Variants in CFTR observed in about 807,000 individuals in gnomAD.
CFTR encodes the protein cystic fibrosis transmembrane conductance regulator.
CFTR carries 181 observed loss-of-function variants against 171.6 expected under a neutral mutation model. That is an observed-to-expected ratio of 1.05 (90% CI 0.93 to 1.19). The LOEUF (loss-of-function observed/expected upper bound fraction) is 1.19. CFTR is among the 50% of genes most tolerant of loss of function. CFTR has a pLI of 0.00. For missense variants in CFTR, 1,968 were observed against 1,734.7 expected (o/e 1.13, Z -2.39); for synonymous variants, 583 against 608.0 (o/e 0.96, Z 0.60).
chr7:117,612,736 T>G (rs1004932214), intron 20 of CFTR, among the ~76,000 whole-genome samples: 1 of 152,138 alleles, frequency 6.6e-6, no homozygotes, highest in Admixed American at 6.6e-5. Flanking sequence ...ATTCGACTCT[T>G]AAAGAAGCTG....
At chr7:117,627,873 G>GT in intron 22 of CFTR, 103 bp downstream of exon 22, 1 of 1,186,508 alleles carries the variant, frequency 8.4e-7, no homozygotes, top group Non-Finnish European at 1.2e-6. Context: ...CATTATTATT[G>GT]TACAGTAGAA....
At chr7:117,558,375 A>G (rs182279570) in intron 10 of CFTR, among the ~76,000 whole-genome samples, 12 of 152,164 alleles carry the variant, frequency 7.9e-5, no homozygotes, top group Admixed American at 2.6e-4. Context: ...TAACACAGTG[A>G]AACTCCGTCT....
intron 1 of CFTR, among the ~76,000 whole-genome samples, chr7:117,490,363 A>G (rs1798140573): frequency 6.8e-6 from 1 of 146,860 alleles, no homozygotes; most frequent in Admixed American, 6.9e-5. Context: ...ACAATTTATT[A>G]TAAGGAATTG....
intron 1 of CFTR, among the ~76,000 whole-genome samples, chr7:117,482,868 G>A (rs941705202): frequency 7.2e-5 from 11 of 152,018 alleles, no homozygotes; most frequent in South Asian, 6.2e-4. Context: ...TTGAATTTTC[G>A]TCGTGATATC....
chr7:117,606,511 G>A (rs545159192), intron 17 of CFTR, among the ~76,000 whole-genome samples, 163 bp from the exon 18 acceptor site: 9 of 152,258 alleles, frequency 5.9e-5, no homozygotes, highest in Admixed American at 5.2e-4. Flanking sequence ...TATTTAGAAT[G>A]TTTGGAAAGA....
chr7:117,596,791 C>A (rs1792136027), intron 15 of CFTR, among the ~76,000 whole-genome samples: 1 of 152,116 alleles, frequency 6.6e-6, no homozygotes, highest in African/African-American at 2.4e-5. Context: ...GTAAATATAC[C>A]AATGTGCACT....
chr7:117,664,523 G>A (rs979609163), intron 24 of CFTR, among the ~76,000 whole-genome samples, 165 bp from the exon 25 acceptor site: 2 of 152,210 alleles, frequency 1.3e-5, no homozygotes, highest in African/African-American at 4.8e-5. Context: ...TGTCAAGGTT[G>A]TAAATAGACT....
chr7:117,483,359 GC>G (rs1439128864), intron 1 of CFTR, among the ~76,000 whole-genome samples: 1 of 151,964 alleles, frequency 6.6e-6, no homozygotes, highest in Admixed American at 6.6e-5. Flanking sequence ...TTCATAGCTT[GC>G]TTTAGATTAA....
intron 24 of CFTR, among the ~76,000 whole-genome samples, chr7:117,663,832 A>G (rs896466583): frequency 1.3e-5 from 2 of 152,204 alleles, no homozygotes; most frequent in Non-Finnish European, 2.9e-5. Context: ...AAAAATAAAC[A>G]TTTAATGCAC....
chr7:117,662,510 G>T (rs756418264), intron 24 of CFTR, among the ~76,000 whole-genome samples: 10 of 152,186 alleles, frequency 6.6e-5, no homozygotes, highest in Non-Finnish European at 1.3e-4. Flanking sequence ...GGAACTACAA[G>T]ATGTTTGGTT....
At chr7:117,642,218 T>C (rs1792925463) in intron 22 of CFTR, among the ~76,000 whole-genome samples, 1 of 152,234 alleles carries the variant, frequency 6.6e-6, no homozygotes, top group South Asian at 2.1e-4. Flanking sequence ...CAATTCCTTA[T>C]GGCCAGTTTC....
rs397508250 is a variant in CFTR at position 117,509,032 on chromosome 7, A to G, written c.165-2A>G. The stretch of plus-strand genomic sequence containing the variant: ...TTGGTCCCACTTTTTATTCTTTTGC[A>G]GAGAATGGGATAGAGAGCTGGCTTC... On this transcript the variant is annotated splice_acceptor_variant, in intron 2 of 26. Transcript: ENST00000003084. LOFTEE classifies it high-confidence loss of function. 1 of 1,587,096 alleles carries G rather than the reference A, an allele frequency of 6.3e-7. No homozygotes were observed.
intron 1 of CFTR, among the ~76,000 whole-genome samples, chr7:117,496,693 G>A (rs763678338): frequency 2.6e-5 from 4 of 152,122 alleles, no homozygotes; most frequent in South Asian, 2.1e-4. Flanking sequence ...ATATACCTAC[G>A]AGTGTAATGG....
chr7:117,480,860 A>AT (rs1159387533), intron 1 of CFTR, among the ~76,000 whole-genome samples: 3 of 152,186 alleles, frequency 2.0e-5, no homozygotes, highest in South Asian at 2.1e-4. Context: ...CTTTAATGAG[A>AT]TTTTTTAAAA....
intron 11 of CFTR, among the ~76,000 whole-genome samples, chr7:117,582,896 G>T (rs1240893199): frequency 2.0e-5 from 3 of 152,194 alleles, no homozygotes; most frequent in Middle Eastern, 3.4e-3. Flanking sequence ...TATTCCATTC[G>T]ATCTGAGTGT....
At chr7:117,597,959 T>A (rs1460610257) in intron 15 of CFTR, among the ~76,000 whole-genome samples, 1 of 152,116 alleles carries the variant, frequency 6.6e-6, no homozygotes, top group Admixed American at 6.6e-5. Flanking sequence ...TAAAAGGGCC[T>A]GGCAGGGAGC....
At chr7:117,526,148 G>C (rs544530146) in intron 3 of CFTR, among the ~76,000 whole-genome samples, 18 of 152,012 alleles carry the variant, frequency 1.2e-4, no homozygotes, top group African/African-American at 4.3e-4. Context: ...ATGAAGCTTA[G>C]TTTGGCTGGA....
chr7:117,628,117 C>T (rs1792684772), intron 22 of CFTR, among the ~76,000 whole-genome samples: 1 of 152,132 alleles, frequency 6.6e-6, no homozygotes, highest in Non-Finnish European at 1.5e-5. Context: ...ATTGCTGACT[C>T]CATCTATTGT....
Position 117,536,561 on chromosome 7 carries a change from G to A in CFTR, c.757G>A (p.Gly253Arg), listed in dbSNP as rs1343896905. ...ATTGATTTACAGAGATCAGAGAGCT[G>A]GGAAGATCAGTGAAAGACTTGTGAT... ...MMMKYRDQRA[G>R]KISERLVITS... Residue 253 changes from glycine (G) to arginine (R), a missense_variant, in exon 7 of 27, where the codon GGG (glycine) becomes AGG (arginine). Physicochemically the swap from Gly to Arg is moderately radical, Grantham distance 125. Transcript: ENST00000003084. The A allele has an allele frequency of 1.3e-6, 2 of 1,593,516 alleles. No individual in the cohort carries two copies. The highest frequency in any genetic ancestry group is 3.5e-5 in the Admixed American group (2 of 57,914).
Sources: gnomAD v4.1 joint callset for allele counts (sites outside exome capture counted in the v4.1 genomes callset) on GRCh38, gnomAD v4.1.1 for gene constraint, MANE v1.5 for transcripts, NCBI Gene and HGNC (gene_info 2026-07-23, HGNC 2026-07-21) for gene names.